The following NRG1 variants were observed in gnomAD, a reference collection of about 807,000 sequenced individuals.
The protein encoded by NRG1 is pro-neuregulin-1, membrane-bound isoform.
In NRG1, 18 loss-of-function variants were observed where a neutral mutation model predicts 63.8. That is an observed-to-expected ratio of 0.28 (90% CI 0.19 to 0.42). The LOEUF (loss-of-function observed/expected upper bound fraction) is 0.42. Among genes scored for constraint, NRG1 ranks in the 10% least tolerant of loss-of-function variants. NRG1 has a pLI of 1.00. For synonymous variants in NRG1, 302 were observed against 301.3 expected (o/e 1.00, Z -0.02); for missense variants, 762 against 814.7 (o/e 0.94, Z 0.79).
Position 32,479,652 on chromosome 8 carries a change from T to A in NRG1, c.38-116176T>A, listed in dbSNP as rs1280950085. 5.9e-5 allele frequency among the ~76,000 whole-genome samples: 9 copies of A among 152,094 alleles called. 1 individual carries two copies. Among genetic ancestry groups the A allele is most frequent in the Admixed American group, 5.9e-4 (9 of 15,266 alleles). On this transcript the variant is annotated intron_variant, in intron 1 of 10. Coordinates refer to the NRG1 transcript ENST00000519301. ...TTCTTTACATAATTTATTCTCATTATTTTTTGTTTGTTTTTTGAGACAGAG... is the reference window on the plus strand; with the variant it reads ...TTCTTTACATAATTTATTCTCATTAATTTTTGTTTGTTTTTTGAGACAGAG...
At chr8:31,807,150 G>A (rs562799359) in intron 1 of NRG1, among the ~76,000 whole-genome samples, 6 of 152,256 alleles carry the variant, frequency 3.9e-5, no homozygotes, top group South Asian at 2.1e-4. Context: ...TGAAGGGCCC[G>A]AAAGAACTAG....
At chr8:32,499,638 C>T (rs1827622440) in intron 1 of NRG1, among the ~76,000 whole-genome samples, 1 of 152,112 alleles carries the variant, frequency 6.6e-6, no homozygotes, top group Non-Finnish European at 1.5e-5. Flanking sequence ...CACACCACTG[C>T]CCTCCAGCCT....
chr8:31,985,833 G>A (rs567731169), intron 1 of NRG1, among the ~76,000 whole-genome samples: 14 of 152,194 alleles, frequency 9.2e-5, no homozygotes, highest in Admixed American at 5.9e-4. Context: ...CTTAGGGGCT[G>A]TACTTATATT....
In NRG1 at chr8:32,572,338, T is replaced by C. The variant is rs1204245392; in HGVS notation, c.101-23490T>C. Among the ~76,000 whole-genome samples, 4 of 152,216 alleles carry C rather than the reference T, an allele frequency of 2.6e-5. No homozygotes were observed. In the South Asian group the frequency reaches 6.2e-4, roughly 24 times the overall value. On this transcript the variant is annotated intron_variant, in intron 1 of 11. Transcript: ENST00000356819. ...ATCTTAGAGCCCTCATAGGAATAAA[T>C]TGCACAGAATGTTATCAATATATCA...
At chr8:31,963,695 T>C (rs2129626620) in intron 1 of NRG1, among the ~76,000 whole-genome samples, 2 of 152,288 alleles carry the variant, frequency 1.3e-5, no homozygotes, top group Admixed American at 1.3e-4. Flanking sequence ...TCACAGGTGT[T>C]ATACTTGTCT....
chr8:32,306,439 G>GAGTT (rs1159660809), intron 1 of NRG1, among the ~76,000 whole-genome samples: 1 of 152,176 alleles, frequency 6.6e-6, no homozygotes, highest in African/African-American at 2.4e-5. Flanking sequence ...CTTTCTTCTT[G>GAGTT]AGTTTGATCC....
chr8:31,835,836 G>T (rs747832917), intron 1 of NRG1, among the ~76,000 whole-genome samples: 1 of 152,112 alleles, frequency 6.6e-6, no homozygotes, highest in Non-Finnish European at 1.5e-5. Flanking sequence ...GTGCTGTTCA[G>T]TAGAACTTTT....
intron 1 of NRG1, among the ~76,000 whole-genome samples, chr8:32,090,249 T>G (rs1209531955): frequency 6.6e-6 from 1 of 152,218 alleles, no homozygotes; most frequent in Non-Finnish European, 1.5e-5. Flanking sequence ...CAGTATTCTG[T>G]GCAAATCTTA....
chr8:32,014,561 C>T (rs1037600985), intron 1 of NRG1, among the ~76,000 whole-genome samples: 1 of 151,878 alleles, frequency 6.6e-6, no homozygotes, highest in Non-Finnish European at 1.5e-5. Flanking sequence ...CAGAAGAATA[C>T]CCAAGCTGAA....
Position 31,640,438 on chromosome 8 carries a change from G to A in NRG1, c.37+1007G>A, listed in dbSNP as rs1365096163. 3.3e-6 allele frequency: 5 copies of A among 1,524,344 alleles called. No individual in the cohort carries two copies. The Admixed American group carries it at 6.1e-5, about 18-fold the overall frequency. 94.4% of individuals were successfully genotyped at this position (1,524,344 alleles called of 1,614,324 possible). A position where few individuals can be genotyped will look rare whatever the true frequency, so the allele number is the denominator to read the frequency against. ...GCCCACCGCCCCGGTGCCCAGCGCC[G>A]GCGAGCCCGGGGAGGAGGCGCCCTA... On this transcript the variant is annotated intron_variant, in intron 1 of 10. Coordinates refer to the NRG1 transcript ENST00000519301. The surrounding 1 kb of genome is among the most constrained non-coding windows in gnomAD (Gnocchi z 6.3).
At chr8:32,267,873 G>A (rs957536485) in intron 1 of NRG1, among the ~76,000 whole-genome samples, 12 of 152,124 alleles carry the variant, frequency 7.9e-5, no homozygotes, top group African/African-American at 1.2e-4. Context: ...TAAGATCAGC[G>A]TTTACTATAA....
intron 1 of NRG1, among the ~76,000 whole-genome samples, chr8:31,960,469 G>C (rs327404): frequency 0.85 from 129,281 of 152,188 alleles, 55,766 homozygotes; most frequent in African/African-American, 0.96. Context: ...CTCTGGCCAG[G>C]TGCTGATGGA....
chr8:31,723,323 T>A (rs1813105386), intron 1 of NRG1, among the ~76,000 whole-genome samples: 1 of 152,158 alleles, frequency 6.6e-6, no homozygotes. Context: ...TCAGGTATTA[T>A]CAGTGAGCAG....
rs1456687575 is a variant in NRG1, at chr8:32,365,602, C to T, written c.38-230226C>T. 5.3e-5 allele frequency among the ~76,000 whole-genome samples: 8 copies of T among 152,106 alleles called. No homozygotes were observed. In the East Asian group the frequency reaches 1.5e-3, roughly 29 times the overall value. On this transcript the variant is annotated intron_variant, in intron 1 of 10. Coordinates refer to the NRG1 transcript ENST00000519301. ...TTCCACTAAATCATAAATTAGTACA[C>T]CTTTTTTCCATAAATGGCTAAATAG...
At chr8:32,137,065 T>C (rs969245276) in intron 1 of NRG1, among the ~76,000 whole-genome samples, 1 of 152,192 alleles carries the variant, frequency 6.6e-6, no homozygotes, top group African/African-American at 2.4e-5. Flanking sequence ...GGGGGTTTTT[T>C]TTAAAACATG....
chr8:31,739,456 G>A (rs993015355), intron 1 of NRG1, among the ~76,000 whole-genome samples: 6 of 151,984 alleles, frequency 3.9e-5, no homozygotes, highest in Middle Eastern at 3.4e-3. Flanking sequence ...AAGTGGTTCC[G>A]AGCTAATTTT....
At chr8:31,927,596 C>G (rs1834480514) in intron 1 of NRG1, among the ~76,000 whole-genome samples, 1 of 149,754 alleles carries the variant, frequency 6.7e-6, no homozygotes, top group Non-Finnish European at 1.5e-5. Context: ...CTACAGGCGC[C>G]CGCCACTACG....
rs76004461 is a variant in NRG1 at position 31,950,968 on chromosome 8, A to G, written c.37+311537A>G. 6.8e-3 allele frequency among the ~76,000 whole-genome samples: 1,043 copies of G among 152,354 alleles called. 14 individuals carry two copies. Among genetic ancestry groups the G allele is most frequent in the African/African-American group, 0.024 (1,002 of 41,578 alleles). On this transcript the variant is annotated intron_variant, in intron 1 of 10. Transcript: ENST00000519301. Reference sequence around the variant, plus strand: ...TATTGAAACTGCCTCACATCTAAGTAATGGAAAATAACAGTGATTAGGATA... The same window carrying G: ...TATTGAAACTGCCTCACATCTAAGTGATGGAAAATAACAGTGATTAGGATA...
intron 1 of NRG1, among the ~76,000 whole-genome samples, chr8:32,448,593 C>T (rs1426344710): frequency 1.3e-5 from 2 of 152,044 alleles, no homozygotes; most frequent in African/African-American, 4.8e-5. Context: ...CTGAAGTGCT[C>T]CTAAGGTAAC....
Sources: allele counts gnomAD v4.1 joint callset (sites outside exome capture counted in the v4.1 genomes callset), GRCh38; gene constraint gnomAD v4.1.1; non-coding constraint Gnocchi (gnomAD v3.1); transcripts MANE v1.5; gene names NCBI Gene and HGNC (gene_info 2026-07-23, HGNC 2026-07-21).